Variants in GRIK5 observed in about 807,000 individuals in gnomAD.
The protein encoded by GRIK5 is glutamate ionotropic receptor kainate type subunit 5.
Under a neutral mutation model 97.4 loss-of-function variants are expected in GRIK5, and 43 were observed. That is an observed-to-expected ratio of 0.44 (90% CI 0.35 to 0.57). The LOEUF (loss-of-function observed/expected upper bound fraction) is 0.57, where lower values mean the gene tolerates loss of function less well. GRIK5 is among the 20% of genes least tolerant of loss of function. The pLI is 0.01. For missense variants in GRIK5, 1,015 were observed against 1,382.0 expected (o/e 0.73, Z 4.21); for synonymous variants, 580 against 583.5 (o/e 0.99, Z 0.09).
chr19:42,061,290 C>T (rs150667313), intron 5 of GRIK5, among the ~76,000 whole-genome samples: 1,802 of 152,294 alleles, frequency 0.012, 14 homozygotes, highest in Non-Finnish European at 0.019. Flanking sequence ...ATGATTCGCC[C>T]GCCTCGGCCT....
intron 11 of GRIK5, among the ~76,000 whole-genome samples, chr19:42,044,587 T>C (rs1404471928): frequency 6.6e-6 from 1 of 152,196 alleles, no homozygotes; most frequent in Non-Finnish European, 1.5e-5. Context: ...GTTTGTACAA[T>C]GTCACTTTGG....
intron 12 of GRIK5, among the ~76,000 whole-genome samples, chr19:42,041,499 A>G (rs2075977159): frequency 6.6e-6 from 1 of 152,282 alleles, no homozygotes; most frequent in Admixed American, 6.5e-5. Flanking sequence ...ATAGACCTGC[A>G]AGGTATTATT....
rs779636580 is a variant in GRIK5, at chr19:42,054,394, C to G, written c.982G>C (p.Gly328Arg). The stretch of plus-strand genomic sequence containing the variant: ...GATGTACAGGCCAGAGGCTTCACAC[C>G]GATCTCCTGGCTGCGGTTCAGCTCT... ...VRELNRSQEI[G>R]VKPLACTSAN... Residue 328 changes from glycine (G) to arginine (R), a missense_variant, in exon 9 of 20, where the codon GGT becomes CGT. Gly to Arg is a moderately radical substitution (Grantham distance 125). Transcript: ENST00000593562. 1 of 1,613,776 alleles carries G rather than the reference C, an allele frequency of 6.2e-7. No homozygotes were observed. The highest frequency in any genetic ancestry group is 1.1e-5 in the South Asian group (1 of 91,074).
At chr19:42,051,993 T>TC (rs1202369352) in intron 11 of GRIK5, among the ~76,000 whole-genome samples, 1 of 152,146 alleles carries the variant, frequency 6.6e-6, no homozygotes, top group Non-Finnish European at 1.5e-5. Context: ...AATGACTGTG[T>TC]CCAGGTCTAT....
At position 42,042,597 on chromosome 19, in the gene GRIK5, C is replaced by T. The variant is rs774090045; in HGVS notation, c.1428G>A (p.Glu476=). Residue 476 remains glutamate, a synonymous_variant, in exon 12 of 20, where the codon GAG becomes GAA. Coordinates refer to ENST00000593562, the MANE Select transcript of GRIK5 (RefSeq NM_002088.5). The surrounding 1 kb of genome is among the most constrained non-coding windows in gnomAD (Gnocchi z 6.9). Reference sequence around the variant, plus strand: ...CCATGCCCGTCCAGGAGCCGTTGGGCTCGGGCGCCCCGTACAGCCCATCCT... The same window carrying T: ...CCATGCCCGTCCAGGAGCCGTTGGGTTCGGGCGCCCCGTACAGCCCATCCT... The part of the protein sequence containing the change: ...LVEDGLYGAP[E]PNGSWTGMVG... The T allele has an allele frequency of 6.2e-7, 1 of 1,612,358 alleles. No individual in the cohort carries two copies. Among genetic ancestry groups the T allele is most frequent in the Non-Finnish European group, 8.5e-7 (1 of 1,179,884 alleles).
chr19:42,026,382 C>T (rs1268307504), intron 12 of GRIK5, among the ~76,000 whole-genome samples: 1 of 151,862 alleles, frequency 6.6e-6, no homozygotes, highest in Non-Finnish European at 1.5e-5. Flanking sequence ...CTCAGTCTCC[C>T]GAGTAGCTGG....
At chr19:42,019,501 C>G (rs2075671301) in intron 15 of GRIK5, among the ~76,000 whole-genome samples, 1 of 152,148 alleles carries the variant, frequency 6.6e-6, no homozygotes, top group Admixed American at 6.5e-5. Flanking sequence ...AGAATAGGCC[C>G]CGCCCACCAG....
intron 11 of GRIK5, among the ~76,000 whole-genome samples, chr19:42,049,414 A>G (rs962335011): frequency 6.6e-6 from 1 of 152,250 alleles, no homozygotes; most frequent in African/African-American, 2.4e-5. Flanking sequence ...GTCCATCTAG[A>G]TTGGATGAAT....
intron 12 of GRIK5, among the ~76,000 whole-genome samples, chr19:42,027,661 G>C (rs1288606814): frequency 6.6e-6 from 1 of 152,178 alleles, no homozygotes; most frequent in Non-Finnish European, 1.5e-5. Context: ...CTGGGGGCAG[G>C]ACTGAGTGGC....
chr19:42,047,310 A>G (rs1377816650), intron 11 of GRIK5, among the ~76,000 whole-genome samples: 2 of 151,314 alleles, frequency 1.3e-5, no homozygotes, highest in East Asian at 4.0e-4. Context: ...GAGGCCAAGG[A>G]GGGAGGATCA....
intron 15 of GRIK5, among the ~76,000 whole-genome samples, chr19:42,015,805 C>T (rs1409912872): frequency 6.6e-6 from 1 of 152,134 alleles, no homozygotes; most frequent in Non-Finnish European, 1.5e-5. Flanking sequence ...TAAGAATGGC[C>T]AGGGTCCCTG....
chr19:42,063,271 C>T (rs767026396), intron 3 of GRIK5: 55 of 460,412 alleles, frequency 1.2e-4, no homozygotes, highest in South Asian at 8.4e-4. Context: ...CCTTCCCATA[C>T]TCCAAACACC....
chr19:42,030,333 C>T (rs1028916007), intron 12 of GRIK5, among the ~76,000 whole-genome samples: 35 of 152,066 alleles, frequency 2.3e-4, no homozygotes, highest in African/African-American at 8.5e-4. Context: ...AGGTGCGTGC[C>T]GCTGAGTCTG....
Position 42,053,899 on chromosome 19 carries a change from C to G in GRIK5, c.1087G>C (p.Glu363Gln). 6.2e-7 allele frequency: 1 copy of G among 1,613,850 alleles called. No homozygotes were observed. Among genetic ancestry groups the G allele is most frequent in the African/African-American group, 1.3e-5 (1 of 74,992 alleles). Residue 363 changes from glutamate to glutamine, a missense_variant, in exon 10 of 20, where the codon GAG becomes CAG. Coordinates refer to ENST00000593562, the MANE Select transcript of GRIK5 (RefSeq NM_002088.5). ...GTTCTCTGCCCTTTGCTGTTGAACTCGACCCGCCCGGTCAGCCCATCATAC... is the reference window on the plus strand; with the variant it reads ...GTTCTCTGCCCTTTGCTGTTGAACTGGACCCGCCCGGTCAGCCCATCATAC... ...VEYDGLTGRV[E>Q]FNSKGQRTNY...
chr19:42,020,045 G>A (rs1198169063), intron 15 of GRIK5, among the ~76,000 whole-genome samples: 15 of 148,770 alleles, frequency 1.0e-4, no homozygotes, highest in African/African-American at 1.7e-4. Flanking sequence ...CTGGAGTGCC[G>A]TGGCACGATC....
chr19:42,065,779 C>G lies in GRIK5; in HGVS notation c.-9G>C, dbSNP rs1446713791. The G allele has an allele frequency of 6.4e-7, 1 of 1,572,462 alleles. No individual in the cohort carries two copies. Among genetic ancestry groups the G allele is most frequent in the South Asian group, 1.2e-5 (1 of 85,816 alleles). Reference sequence around the variant, plus strand: ...AGCAGCTCAGCCGGCATCTTCCTCCCCTCCTCATGGGGACGCAGCTGCCGC... The same window carrying G: ...AGCAGCTCAGCCGGCATCTTCCTCCGCTCCTCATGGGGACGCAGCTGCCGC... On this transcript the variant is annotated 5_prime_UTR_variant, in exon 2 of 20. Transcript: ENST00000593562. The surrounding 1 kb of genome is among the most constrained non-coding windows in gnomAD (Gnocchi z 5.8).
At chr19:42,047,787 T>C (rs1433182951) in intron 11 of GRIK5, among the ~76,000 whole-genome samples, 1 of 151,860 alleles carries the variant, frequency 6.6e-6, no homozygotes, top group Non-Finnish European at 1.5e-5. Context: ...CTGGCCAATA[T>C]GGTGAAACCC....
At chr19:42,005,168 G>A (rs1379472113) in intron 17 of GRIK5, among the ~76,000 whole-genome samples, 1 of 146,796 alleles carries the variant, frequency 6.8e-6, no homozygotes, top group East Asian at 2.0e-4. Context: ...TGGGCCATGC[G>A]AGGTGGCTCA....
chr19:42,053,630 T>G lies in GRIK5; in HGVS notation c.1241A>C (p.Asn414Thr). ...GATGGTTGTGACCACCAGGGTCTTG[T>G]TGGCCAGTGTCTGCGACAGGTTGAT... ...LDINLSQTLA[N>T]KTLVVTTILE... Residue 414 changes from asparagine to threonine, a missense_variant, in exon 11 of 20, where the codon AAC becomes ACC. Physicochemically the swap from Asn to Thr is moderately conservative, Grantham distance 65. Around this residue, in one of 5 missense-constraint regions of GRIK5, gnomAD observed 477 missense variants for 701.1 expected, o/e 0.68. Coordinates refer to ENST00000593562, the MANE Select transcript of GRIK5 (RefSeq NM_002088.5). 6.2e-7 allele frequency: 1 copy of G among 1,612,690 alleles called. No individual in the cohort carries two copies. Among genetic ancestry groups the G allele is most frequent in the Non-Finnish European group, 8.5e-7 (1 of 1,178,710 alleles).
Sources: allele counts gnomAD v4.1 joint callset (sites outside exome capture counted in the v4.1 genomes callset), GRCh38; gene constraint gnomAD v4.1.1; regional missense constraint gnomAD v4.1.1; non-coding constraint Gnocchi (gnomAD v3.1); transcripts MANE v1.5; gene names NCBI Gene and HGNC (gene_info 2026-07-23, HGNC 2026-07-21).